Variants in PID1 observed in about 807,000 individuals in gnomAD.
The protein encoded by PID1 is phosphotyrosine interaction domain containing 1.
Under a neutral mutation model 19.1 loss-of-function variants are expected in PID1, and 10 were observed. The ratio of observed to expected loss-of-function variants is 0.52; its 90% CI spans 0.32 to 0.89. The LOEUF is 0.89. Ranked by LOEUF, PID1 falls within the 40% of genes least tolerant of loss-of-function variation. The pLI is 0.03. For synonymous variants in PID1, 130 were observed against 116.0 expected (o/e 1.12, Z -0.78); for missense variants, 248 against 285.3 (o/e 0.87, Z 0.94).
At chr2:229,259,337 T>C (rs747746738) in intron 1 of PID1, among the ~76,000 whole-genome samples, 1 of 152,218 alleles carries the variant, frequency 6.6e-6, no homozygotes, top group African/African-American at 2.4e-5. Context: ...TTTATCCATA[T>C]CTTTTAAAGG....
intron 1 of PID1, among the ~76,000 whole-genome samples, chr2:229,159,535 G>A (rs1322505796): frequency 6.6e-6 from 1 of 152,086 alleles, no homozygotes; most frequent in Non-Finnish European, 1.5e-5. Context: ...CACGGTTCCA[G>A]CCCACCCTTT....
intron 1 of PID1, among the ~76,000 whole-genome samples, chr2:229,261,273 G>A (rs571193330): frequency 4.6e-5 from 7 of 152,188 alleles, no homozygotes; most frequent in East Asian, 3.9e-4. Flanking sequence ...AGTACCACCC[G>A]GTTTGTGGTA....
chr2:229,107,811 A>C (rs926215684), intron 2 of PID1, among the ~76,000 whole-genome samples: 2 of 152,228 alleles, frequency 1.3e-5, no homozygotes, highest in Non-Finnish European at 2.9e-5. Context: ...ATCCCCTGGA[A>C]GCTTGTTAGA....
At chr2:229,257,376 G>T (rs943427400) in intron 1 of PID1, among the ~76,000 whole-genome samples, 1 of 152,058 alleles carries the variant, frequency 6.6e-6, no homozygotes, top group African/African-American at 2.4e-5. Flanking sequence ...CACATCCTTT[G>T]CCCCTCCGAC....
chr2:229,180,513 C>T (rs1275417141), intron 1 of PID1, among the ~76,000 whole-genome samples: 1 of 152,158 alleles, frequency 6.6e-6, no homozygotes, highest in African/African-American at 2.4e-5. Context: ...TTCACAGCAT[C>T]AGCATCATCT....
chr2:229,070,269 C>A (rs988436082), intron 2 of PID1, among the ~76,000 whole-genome samples: 2 of 152,170 alleles, frequency 1.3e-5, no homozygotes, highest in African/African-American at 4.8e-5. Flanking sequence ...TGCCTGGGCT[C>A]AAATCCTAAG....
chr2:229,106,077 C>CAAAAAAAAAAAAAAA (rs10664324), intron 2 of PID1, among the ~76,000 whole-genome samples: 1 of 122,158 alleles, frequency 8.2e-6, no homozygotes, highest in African/African-American at 3.2e-5. Context: ...GAGATTCCGT[C>CAAAAAAAAAAAAAAA]AAAAAAAAAA....
intron 1 of PID1, among the ~76,000 whole-genome samples, chr2:229,263,476 T>C (rs1690510438): frequency 6.6e-6 from 1 of 152,184 alleles, no homozygotes; most frequent in South Asian, 2.1e-4. Context: ...CATATCCCAA[T>C]GGTTAAAAAC....
intron 1 of PID1, among the ~76,000 whole-genome samples, chr2:229,225,471 G>T (rs1209386810): frequency 6.6e-6 from 1 of 152,078 alleles, no homozygotes; most frequent in Non-Finnish European, 1.5e-5. Flanking sequence ...AGACATAAGG[G>T]TGTTATTTAT....
At chr2:229,053,063 A>C (rs1035918221) in intron 2 of PID1, among the ~76,000 whole-genome samples, 9 of 152,352 alleles carry the variant, frequency 5.9e-5, no homozygotes, top group Non-Finnish European at 1.2e-4. Flanking sequence ...CTGTGCCATA[A>C]GAACCTAATA....
At chr2:229,072,971 C>G (rs1372484940) in intron 2 of PID1, among the ~76,000 whole-genome samples, 1 of 152,234 alleles carries the variant, frequency 6.6e-6, no homozygotes, top group African/African-American at 2.4e-5. Flanking sequence ...AAGGTGATTA[C>G]AAACTGCAGG....
At chr2:229,205,679 A>G (rs1196828036) in intron 1 of PID1, among the ~76,000 whole-genome samples, 1 of 152,108 alleles carries the variant, frequency 6.6e-6, no homozygotes, top group Non-Finnish European at 1.5e-5. Flanking sequence ...GGGGAGGTCA[A>G]TGCCACCATT....
chr2:229,244,736 C>T lies in PID1; in HGVS notation c.30+26278G>A, dbSNP rs1361892475. 1.3e-4 allele frequency: 20 copies of T among 152,106 alleles called. 1 individual carries two copies. Among genetic ancestry groups the T allele is most frequent in the Admixed American group, 1.2e-3 (19 of 15,250 alleles). The allele number at this position is 152,106 out of a possible 1,614,324, so 9.4% of individuals were successfully genotyped here. ...TCTAATCTGCAAAAGCAATTCCCTA[C>T]TTTGTTAAAAGTAAAACCATGGACT... On this transcript the variant is annotated intron_variant, in intron 1 of 2. Transcript: ENST00000392055.
intron 2 of PID1, among the ~76,000 whole-genome samples, chr2:229,051,064 C>T (rs1216874415): frequency 6.6e-6 from 1 of 152,140 alleles, no homozygotes; most frequent in Admixed American, 6.6e-5. Context: ...TTTTAGGATT[C>T]TCTACATGTA....
At chr2:229,089,346 T>C (rs554148879) in intron 2 of PID1, among the ~76,000 whole-genome samples, 1 of 152,344 alleles carries the variant, frequency 6.6e-6, no homozygotes, top group Admixed American at 6.5e-5. Flanking sequence ...TCCTCAGAGC[T>C]GCATTTACCC....
At chr2:229,060,909 CT>C (rs1307966979) in intron 2 of PID1, among the ~76,000 whole-genome samples, 5 of 151,920 alleles carry the variant, frequency 3.3e-5, no homozygotes, top group Non-Finnish European at 7.4e-5. Context: ...TGTATGTTTT[CT>C]TTTGAGAAAT....
At chr2:229,148,085 A>G (rs1183066711) in intron 2 of PID1, among the ~76,000 whole-genome samples, 3 of 152,230 alleles carry the variant, frequency 2.0e-5, no homozygotes, top group African/African-American at 7.2e-5. Context: ...GCAAAGTTAT[A>G]ATCTTCACTT....
At chr2:229,153,646 C>G (rs1047471839) in intron 2 of PID1, among the ~76,000 whole-genome samples, 11 of 152,132 alleles carry the variant, frequency 7.2e-5, no homozygotes, top group African/African-American at 2.4e-4. Flanking sequence ...AGGCAGCACA[C>G]AGAAAAAATT....
chr2:229,222,670 A>C (rs1187873973), intron 1 of PID1, among the ~76,000 whole-genome samples: 2 of 152,156 alleles, frequency 1.3e-5, no homozygotes, highest in African/African-American at 2.4e-5. Flanking sequence ...GAAGGCATGA[A>C]TAGAATGCAA....
Sources: allele counts gnomAD v4.1 joint callset (sites outside exome capture counted in the v4.1 genomes callset), GRCh38; gene constraint gnomAD v4.1.1; transcripts MANE v1.5; gene names NCBI Gene and HGNC (gene_info 2026-07-23, HGNC 2026-07-21).